GNA12: variants seen among roughly 807,000 people sequenced by gnomAD.
GNA12 encodes the protein G protein subunit alpha 12.
In GNA12, 9 loss-of-function variants were observed where a neutral mutation model predicts 26.0. The observed-to-expected ratio is 0.35, with a 90% CI of 0.21 to 0.60. The LOEUF (loss-of-function observed/expected upper bound fraction) is 0.60. Among genes scored for constraint, GNA12 ranks in the 20% least tolerant of loss-of-function variants. The pLI, the probability that GNA12 is intolerant of heterozygous loss-of-function variation, is 0.78. For missense variants in GNA12, 405 were observed against 525.8 expected (o/e 0.77, Z 2.25); for synonymous variants, 264 against 219.6 (o/e 1.20, Z -1.79).
intron 2 of GNA12, among the ~76,000 whole-genome samples, chr7:2,779,184 T>A (rs1421422322): frequency 6.6e-6 from 1 of 151,852 alleles, no homozygotes; most frequent in Non-Finnish European, 1.5e-5. Flanking sequence ...CATGGCTGTT[T>A]CTCTACAAAA....
chr7:2,815,059 T>G, intron 1 of GNA12: 6 of 1,463,240 alleles, frequency 4.1e-6, no homozygotes, highest in South Asian at 1.4e-5. Flanking sequence ...GCGCCGCCAC[T>G]GTGGCAGGCT....
intron 2 of GNA12, among the ~76,000 whole-genome samples, chr7:2,750,657 C>A (rs991053798): frequency 6.6e-6 from 1 of 152,126 alleles, no homozygotes; most frequent in South Asian, 2.1e-4. Context: ...CGGTTGACTG[C>A]GGGTAACTGA....
intron 1 of GNA12, chr7:2,835,651 G>A (rs1192612143): frequency 5.4e-6 from 5 of 917,556 alleles, no homozygotes; most frequent in Non-Finnish European, 8.9e-6. Flanking sequence ...GACGGCTGCA[G>A]AAGATGTCAA....
intron 1 of GNA12, among the ~76,000 whole-genome samples, chr7:2,838,873 C>G (rs533500661): frequency 1.3e-5 from 2 of 152,276 alleles, no homozygotes; most frequent in African/African-American, 4.8e-5. Flanking sequence ...CACCACACAA[C>G]AGAACCTCAA....
At chr7:2,768,256 G>A (rs903580976) in intron 2 of GNA12, among the ~76,000 whole-genome samples, 11 of 152,158 alleles carry the variant, frequency 7.2e-5, no homozygotes, top group East Asian at 3.8e-4. Context: ...ATAAGTGATC[G>A]GAAATGGTTT....
chr7:2,795,592 TA>T (rs1485767669), intron 1 of GNA12, among the ~76,000 whole-genome samples: 1 of 144,472 alleles, frequency 6.9e-6, no homozygotes, highest in Non-Finnish European at 1.5e-5. Context: ...TGCTGCACTA[TA>T]TTCTAGGCTG....
chr7:2,772,876 G>A (rs1014464767), intron 2 of GNA12, among the ~76,000 whole-genome samples: 1 of 152,174 alleles, frequency 6.6e-6, no homozygotes, highest in African/African-American at 2.4e-5. Flanking sequence ...AGCCAAAAAC[G>A]AGAAACAAAC....
chr7:2,743,463 A>G (rs537811250), intron 2 of GNA12, among the ~76,000 whole-genome samples: 5 of 152,346 alleles, frequency 3.3e-5, no homozygotes, highest in Non-Finnish European at 7.3e-5. Context: ...ATGGCTTGAC[A>G]CAGACTTTAA....
chr7:2,732,899 A>C (rs1041660094), intron 3 of GNA12, among the ~76,000 whole-genome samples: 47 of 152,246 alleles, frequency 3.1e-4, no homozygotes, highest in African/African-American at 1.1e-3. Flanking sequence ...AAACTCTGCT[A>C]AAACAAAGCA....
intron 1 of GNA12, among the ~76,000 whole-genome samples, chr7:2,823,560 C>T (rs1485725604): frequency 2.0e-5 from 3 of 152,112 alleles, no homozygotes; most frequent in Non-Finnish European, 4.4e-5. Flanking sequence ...CGGGAAGAGG[C>T]CAGTCGTTGC....
At chr7:2,820,993 G>C (rs1793336323) in intron 1 of GNA12, among the ~76,000 whole-genome samples, 1 of 152,192 alleles carries the variant, frequency 6.6e-6, no homozygotes, top group African/African-American at 2.4e-5. Flanking sequence ...TCCTGCCTTG[G>C]ACTCCCAAAG....
intron 1 of GNA12, among the ~76,000 whole-genome samples, chr7:2,832,517 G>C (rs1230549698): frequency 6.6e-6 from 1 of 152,184 alleles, no homozygotes; most frequent in Non-Finnish European, 1.5e-5. Context: ...GGTGACGAGA[G>C]AATTAGCACA....
intron 2 of GNA12, among the ~76,000 whole-genome samples, chr7:2,793,745 T>C (rs552935283): frequency 2.6e-5 from 4 of 151,294 alleles, no homozygotes; most frequent in African/African-American, 9.7e-5. Flanking sequence ...TTAGCTGGTG[T>C]GGTGGTGGGT....
At chr7:2,734,911 T>C (rs1464427723) in intron 2 of GNA12, among the ~76,000 whole-genome samples, 1 of 152,106 alleles carries the variant, frequency 6.6e-6, no homozygotes, top group African/African-American at 2.4e-5. Context: ...AGGGTGAACG[T>C]ACCCCAAGGG....
At chr7:2,763,876 C>T (rs798485) in intron 2 of GNA12, among the ~76,000 whole-genome samples, 35,643 of 152,118 alleles carry the variant, frequency 0.23, 4,907 homozygotes, top group Non-Finnish European at 0.29. Context: ...GCGAGGGAGA[C>T]GGAGAGAGAA....
chr7:2,731,648 C>T lies in GNA12; in HGVS notation c.679G>A (p.Asp227Asn), dbSNP rs1368316981. ...VIKKIPFKMV[D>N]VGGQRSQRQK... Reference sequence around the variant, plus strand: ...CGCTGGGACCGCTGGCCGCCCACATCCACCATCTTAAAGGGGATCTTCTTA... The same window carrying T: ...CGCTGGGACCGCTGGCCGCCCACATTCACCATCTTAAAGGGGATCTTCTTA... The change falls in exon 4 of 4, where the codon GAT becomes AAT. Residue 227 changes from aspartate (D) to asparagine (N), a missense_variant. By Grantham distance (23) the Asp-to-Asn change is conservative (BLOSUM62 1). Transcript: ENST00000275364. The surrounding 1 kb of genome is among the most constrained non-coding windows in gnomAD (Gnocchi z 6.0). 1 of 1,613,556 alleles carries T rather than the reference C, an allele frequency of 6.2e-7. No homozygotes were observed. The highest frequency in any genetic ancestry group is 8.5e-7 in the Non-Finnish European group (1 of 1,179,864).
At chr7:2,765,691 C>A (rs1187487123) in intron 2 of GNA12, among the ~76,000 whole-genome samples, 1 of 151,898 alleles carries the variant, frequency 6.6e-6, no homozygotes, top group East Asian at 1.9e-4. Flanking sequence ...AGTGCGATGG[C>A]ATGATCTTGG....
chr7:2,749,388 A>C (rs942426557), intron 2 of GNA12, among the ~76,000 whole-genome samples: 4 of 152,088 alleles, frequency 2.6e-5, no homozygotes, highest in African/African-American at 9.7e-5. Context: ...AGAAACCATC[A>C]TTGTCAGCAA....
chr7:2,778,504 G>A (rs774378477), intron 2 of GNA12, among the ~76,000 whole-genome samples: 6 of 152,196 alleles, frequency 3.9e-5, no homozygotes, highest in African/African-American at 4.8e-5. Flanking sequence ...CATAGAGCTG[G>A]AGGCTAAATT....
Sources: allele counts gnomAD v4.1 joint callset (sites outside exome capture counted in the v4.1 genomes callset), GRCh38; gene constraint gnomAD v4.1.1; non-coding constraint Gnocchi (gnomAD v3.1); transcripts MANE v1.5; gene names NCBI Gene and HGNC (gene_info 2026-07-23, HGNC 2026-07-21).